The following LRP1B variants were observed in gnomAD, a reference collection of about 807,000 sequenced individuals.
LRP1B encodes the protein low-density lipoprotein receptor-related protein 1B.
In LRP1B, 217 loss-of-function variants were observed where a neutral mutation model predicts 556.6. That is an observed-to-expected ratio of 0.39 (90% confidence interval 0.35 to 0.44). The LOEUF (loss-of-function observed/expected upper bound fraction) is 0.44, where lower values mean the gene tolerates loss of function less well. LRP1B is among the 20% of genes least tolerant of loss of function. The probability of loss-of-function intolerance (pLI) is 1.00; values close to 1 mark genes in which losing one functional copy is unlikely to be tolerated. For synonymous variants in LRP1B, 2,047 were observed against 1,865.8 expected (o/e 1.10, Z -2.50); for missense variants, 5,053 against 5,620.8 (o/e 0.90, Z 3.23).
At chr2:142,019,711 G>T (rs1174882526) in intron 1 of LRP1B, among the ~76,000 whole-genome samples, 1 of 152,106 alleles carries the variant, frequency 6.6e-6, no homozygotes, top group African/African-American at 2.4e-5. Flanking sequence ...TATTTGCAAA[G>T]AACGCTTTCC....
At chr2:141,795,261 CT>C (rs911996867) in intron 2 of LRP1B, among the ~76,000 whole-genome samples, 8 of 151,966 alleles carry the variant, frequency 5.3e-5, no homozygotes, top group Middle Eastern at 3.4e-3. Flanking sequence ...ACCATTTATA[CT>C]TTTTTTTATG....
At chr2:141,629,727 C>T (rs988064081) in intron 2 of LRP1B, among the ~76,000 whole-genome samples, 3 of 151,926 alleles carry the variant, frequency 2.0e-5, no homozygotes, top group Non-Finnish European at 4.4e-5. Context: ...GTTGTTTAAC[C>T]AACCATTTTG....
intron 25 of LRP1B, among the ~76,000 whole-genome samples, chr2:140,874,583 A>C (rs1573829328): frequency 6.6e-6 from 1 of 152,158 alleles, no homozygotes; most frequent in East Asian, 1.9e-4. Context: ...CATTATTATT[A>C]AGTTTTGGTT....
At chr2:141,166,044 C>T (rs1323154412) in intron 7 of LRP1B, among the ~76,000 whole-genome samples, 1 of 151,974 alleles carries the variant, frequency 6.6e-6, no homozygotes, top group Non-Finnish European at 1.5e-5. Flanking sequence ...AAAGAGGCTC[C>T]CCACTAATCT....
chr2:140,245,735 T>C (rs1681132702), intron 87 of LRP1B, among the ~76,000 whole-genome samples: 1 of 151,338 alleles, frequency 6.6e-6, no homozygotes, highest in African/African-American at 2.4e-5. Context: ...GTATTTTTTC[T>C]TTTTCTTTTG....
intron 41 of LRP1B, among the ~76,000 whole-genome samples, chr2:140,660,923 G>C (rs1296554478): frequency 6.6e-6 from 1 of 150,718 alleles, no homozygotes; most frequent in Admixed American, 6.6e-5. Flanking sequence ...AAGACAAGCA[G>C]ATAAATGTAT....
intron 2 of LRP1B, among the ~76,000 whole-genome samples, chr2:141,792,392 T>C (rs936913371): frequency 1.1e-4 from 16 of 152,098 alleles, no homozygotes; most frequent in African/African-American, 3.6e-4. Context: ...TGCAGATGTT[T>C]GGTGACAGAA....
At chr2:142,106,720 TATA>T (rs1706759047) in intron 1 of LRP1B, among the ~76,000 whole-genome samples, 2 of 152,124 alleles carry the variant, frequency 1.3e-5, no homozygotes, top group African/African-American at 4.8e-5. Flanking sequence ...AAGTCTAGAG[TATA>T]ATAATCAGTG....
At chr2:140,635,418 G>C (rs1250715701) in intron 41 of LRP1B, among the ~76,000 whole-genome samples, 1 of 151,734 alleles carries the variant, frequency 6.6e-6, no homozygotes, top group Non-Finnish European at 1.5e-5. Context: ...CTCAGTACTA[G>C]GGCTGTAAGT....
At chr2:141,109,780 C>T (rs960351606) in intron 7 of LRP1B, among the ~76,000 whole-genome samples, 1 of 152,176 alleles carries the variant, frequency 6.6e-6, no homozygotes, top group African/African-American at 2.4e-5. Flanking sequence ...GAAGCCTATC[C>T]TTCTGTTACC....
chr2:140,849,541 T>C (rs1559155132), intron 29 of LRP1B, among the ~76,000 whole-genome samples: 1 of 152,082 alleles, frequency 6.6e-6, no homozygotes, highest in African/African-American at 2.4e-5. Context: ...TTTTTTTTAA[T>C]TTTTATTTTT....
At chr2:140,766,846 A>T (rs1164502417) in intron 35 of LRP1B, among the ~76,000 whole-genome samples, 30 of 103,008 alleles carry the variant, frequency 2.9e-4, no homozygotes, top group African/African-American at 4.3e-4. Flanking sequence ...TATATATATT[A>T]TATATATATA....
intron 14 of LRP1B, among the ~76,000 whole-genome samples, chr2:141,009,592 A>G (rs1181648358): frequency 6.6e-6 from 1 of 152,046 alleles, no homozygotes; most frequent in South Asian, 2.1e-4. Context: ...TCCTACCACC[A>G]AACCTAAAGC....
chr2:140,976,978 T>G (rs1696619708), intron 18 of LRP1B, among the ~76,000 whole-genome samples: 1 of 152,202 alleles, frequency 6.6e-6, no homozygotes, highest in Admixed American at 6.5e-5. Context: ...TTGTTAAAGT[T>G]TAAAAAGAAC....
chr2:142,099,818 A>G (rs996030545), intron 1 of LRP1B, among the ~76,000 whole-genome samples: 1 of 151,968 alleles, frequency 6.6e-6, no homozygotes, highest in Non-Finnish European at 1.5e-5. Context: ...CTGTTTCTAA[A>G]TAATTTTAAA....
intron 3 of LRP1B, among the ~76,000 whole-genome samples, chr2:141,283,274 T>C (rs1393570147): frequency 6.6e-6 from 1 of 152,136 alleles, no homozygotes; most frequent in Non-Finnish European, 1.5e-5. Context: ...GAGGCCTACA[T>C]GCTAAGTAGA....
At chr2:141,048,546 A>G (rs1698945658) in intron 11 of LRP1B, among the ~76,000 whole-genome samples, 1 of 152,126 alleles carries the variant, frequency 6.6e-6, no homozygotes, top group South Asian at 2.1e-4. Flanking sequence ...AAAGTAAAAA[A>G]TAAAATGCAA....
At chr2:140,374,429 G>GTGAT (rs1399385459) in intron 68 of LRP1B, among the ~76,000 whole-genome samples, 1 of 152,082 alleles carries the variant, frequency 6.6e-6, no homozygotes, top group Admixed American at 6.6e-5. Context: ...TTTTCTCTTT[G>GTGAT]TGATAACAGT....
chr2:141,584,982 A>C (rs2170668), intron 2 of LRP1B, among the ~76,000 whole-genome samples: 1 of 149,798 alleles, frequency 6.7e-6, no homozygotes, highest in East Asian at 1.9e-4. Context: ...ACTCACAAAA[A>C]ATGTGAATAT....
Sources: allele counts gnomAD v4.1 joint callset (sites outside exome capture counted in the v4.1 genomes callset), GRCh38; gene constraint gnomAD v4.1.1; transcripts MANE v1.5; gene names NCBI Gene and HGNC (gene_info 2026-07-23, HGNC 2026-07-21).